DPH6: variants seen among roughly 807,000 people sequenced by gnomAD.
DPH6 encodes diphthine--ammonia ligase.
Under a neutral mutation model 38.2 loss-of-function variants are expected in DPH6, and 33 were observed. That is an observed-to-expected ratio of 0.86 (90% CI 0.65 to 1.15). The LOEUF is 1.15. Among genes scored for constraint, DPH6 ranks in the 50% most tolerant of loss-of-function variants. The pLI is 0.00. For missense variants in DPH6, 325 were observed against 320.0 expected (o/e 1.02, Z -0.12); for synonymous variants, 108 against 103.0 (o/e 1.05, Z -0.30).
chr15:35,215,500 C>A (rs1434819322), downstream of DPH6, among the ~76,000 whole-genome samples: 2 of 152,142 alleles, frequency 1.3e-5, no homozygotes, highest in African/African-American at 4.8e-5. Context: ...ACTCCCGTCT[C>A]AGCCTCCCAA....
intron 3 of DPH6, among the ~76,000 whole-genome samples, chr15:35,259,552 T>C (rs2051732002): frequency 6.6e-6 from 1 of 152,226 alleles, no homozygotes; most frequent in South Asian, 2.1e-4. Flanking sequence ...ATTTCGTTTT[T>C]ATATTTGAAA....
intron 5 of DPH6, among the ~76,000 whole-genome samples, chr15:35,422,720 A>C (rs1279634486): frequency 6.6e-6 from 1 of 151,742 alleles, no homozygotes; most frequent in East Asian, 1.9e-4. Flanking sequence ...CATCTTCCCA[A>C]ATCCTCCTCT....
At chr15:35,500,515 G>C (rs2054612465) in intron 3 of DPH6, among the ~76,000 whole-genome samples, 2 of 152,070 alleles carry the variant, frequency 1.3e-5, no homozygotes, top group Admixed American at 6.6e-5. Context: ...TTTGTGATTT[G>C]AATAATAACA....
chr15:35,271,555 T>C (rs570614145), intron 3 of DPH6, among the ~76,000 whole-genome samples: 115 of 152,306 alleles, frequency 7.6e-4, no homozygotes, highest in Middle Eastern at 6.8e-3. Context: ...CAGTTACAGT[T>C]ACACATATAG....
rs189442315 is a variant in DPH6 at position 35,307,424 on chromosome 15, C to T, written n.200+66097G>A. 5.2e-3 allele frequency among the ~76,000 whole-genome samples: 788 copies of T among 152,158 alleles called. 3 individuals are homozygous for T. Among genetic ancestry groups the T allele is most frequent in the African/African-American group, 0.018 (755 of 41,524 alleles). On this transcript the variant is annotated intron_variant and non_coding_transcript_variant, in intron 3 of 3. Coordinates refer to the DPH6 transcript ENST00000560386. Reference sequence around the variant, plus strand: ...CAAAACAAAGCTTTATAGAAATGCTCCAGATTAAAGGTGACTGAAGAGACT... The same window carrying T: ...CAAAACAAAGCTTTATAGAAATGCTTCAGATTAAAGGTGACTGAAGAGACT...
intron 3 of DPH6, chr15:35,237,597 C>A: frequency 6.3e-7 from 1 of 1,592,466 alleles, no homozygotes; most frequent in Non-Finnish European, 8.6e-7. Context: ...CCGAACCTCA[C>A]GCATCTAAAT....
intron 3 of DPH6, among the ~76,000 whole-genome samples, chr15:35,223,577 T>C (rs919087896): frequency 1.3e-5 from 2 of 151,972 alleles, no homozygotes; most frequent in Non-Finnish European, 2.9e-5. Flanking sequence ...TCCCAGCTAC[T>C]CGGGAGGCTG....
intron 6 of DPH6, chr15:35,400,794 G>A (rs2053206911): frequency 1.7e-5 from 13 of 759,238 alleles, no homozygotes; most frequent in South Asian, 1.6e-4. Flanking sequence ...TCCATTCTGA[G>A]CAATGGGGAA....
intron 3 of DPH6, among the ~76,000 whole-genome samples, chr15:35,279,068 A>AAAATAAATATAT (rs1555390826): frequency 4.9e-5 from 5 of 102,992 alleles, no homozygotes; most frequent in Non-Finnish European, 8.9e-5. Flanking sequence ...AAAAAAAAAA[A>AAAATAAATATAT]ATATATATAT....
chr15:35,252,429 G>A (rs1418185544), intron 3 of DPH6, among the ~76,000 whole-genome samples: 1 of 152,206 alleles, frequency 6.6e-6, no homozygotes, highest in Non-Finnish European at 1.5e-5. Flanking sequence ...TTTCATTACT[G>A]CAGGACTTTC....
At chr15:35,332,078 C>T (rs2052330663) in intron 3 of DPH6, among the ~76,000 whole-genome samples, 1 of 152,196 alleles carries the variant, frequency 6.6e-6, no homozygotes, top group Non-Finnish European at 1.5e-5. Flanking sequence ...GCTACAAAAA[C>T]TCCTTACATT....
chr15:35,267,517 A>C (rs1223353339), intron 3 of DPH6, among the ~76,000 whole-genome samples: 1 of 152,122 alleles, frequency 6.6e-6, no homozygotes, highest in Non-Finnish European at 1.5e-5. Flanking sequence ...CCCCAATCCT[A>C]AGAGCTCTTA....
At chr15:35,434,451 A>G (rs925775026) in intron 5 of DPH6, among the ~76,000 whole-genome samples, 1 of 152,198 alleles carries the variant, frequency 6.6e-6, no homozygotes, top group South Asian at 2.1e-4. Flanking sequence ...AAAATTGATG[A>G]CATAAAATGA....
intron 3 of DPH6, among the ~76,000 whole-genome samples, chr15:35,351,903 A>G (rs948595486): frequency 5.9e-5 from 9 of 152,116 alleles, no homozygotes; most frequent in African/African-American, 2.2e-4. Context: ...AAAAATTAAT[A>G]GAGATGAGCT....
At chr15:35,436,892 C>T (rs560075404) in intron 5 of DPH6, among the ~76,000 whole-genome samples, 1 of 151,976 alleles carries the variant, frequency 6.6e-6, no homozygotes, top group East Asian at 1.9e-4. Flanking sequence ...AATTCCACAG[C>T]TTCTCCTTAG....
rs545109262 is a variant in DPH6 at position 35,239,134 on chromosome 15, G to A, written n.201-18552C>T. On this transcript the variant is annotated intron_variant and non_coding_transcript_variant, in intron 3 of 3. Coordinates refer to the DPH6 transcript ENST00000560386. ...CCCCCGTCCTCCTGCTCTTTGCTCC[G>A]TGAGAAAGATCCACCTACGACCTCA... 1.3e-3 allele frequency among the ~76,000 whole-genome samples: 182 copies of A among 143,964 alleles called. 10 individuals are homozygous for A. The highest frequency in any genetic ancestry group is 4.4e-3 in the African/African-American group (177 of 39,876). 94.4% of individuals were successfully genotyped at this position (143,964 alleles called of 152,430 possible).
chr15:35,192,710 A>T, the DPH6 span, among the ~76,000 whole-genome samples: 1 of 152,338 alleles, frequency 6.6e-6, no homozygotes, highest in Admixed American at 6.5e-5. Context: ...GATATAGGTA[A>T]TGAATCAATA....
intron 3 of DPH6, among the ~76,000 whole-genome samples, chr15:35,530,889 C>T (rs1321248308): frequency 1.3e-5 from 2 of 152,176 alleles, no homozygotes; most frequent in Middle Eastern, 3.2e-3. Context: ...TGTTCCAATG[C>T]CAATTCTTCC....
intron 3 of DPH6, among the ~76,000 whole-genome samples, chr15:35,523,188 C>A (rs1354236143): frequency 6.8e-6 from 1 of 146,894 alleles, no homozygotes; most frequent in East Asian, 2.0e-4. Flanking sequence ...ATTATTATTT[C>A]TTATTTCTGT....
Sources: gnomAD v4.1 joint callset for allele counts (sites outside exome capture counted in the v4.1 genomes callset) on GRCh38, gnomAD v4.1.1 for gene constraint, MANE v1.5 for transcripts, NCBI Gene and HGNC (gene_info 2026-07-23, HGNC 2026-07-21) for gene names.